Variants in XYLB observed in about 807,000 individuals in gnomAD.
XYLB encodes xylulokinase.
XYLB carries 62 observed loss-of-function variants against 78.7 expected under a neutral mutation model. The observed-to-expected ratio is 0.79, with a 90% CI of 0.64 to 0.97. The LOEUF is 0.97. XYLB is among the 50% of genes least tolerant of loss of function. The pLI is 0.00. For synonymous variants in XYLB, 245 were observed against 247.4 expected, an observed-to-expected ratio of 0.99 and a Z score of 0.09; for missense variants, 687 against 676.8, an observed-to-expected ratio of 1.02 and a Z score of -0.17.
chr3:38,448,234 A>G, the XYLB span, among the ~76,000 whole-genome samples: 2 of 143,706 alleles, frequency 1.4e-5, no homozygotes, highest in East Asian at 4.7e-4. Context: ...GGGAGGGGTG[A>G]GTAGGGAGCT....
At chr3:38,355,659 G>A in intron 2 of XYLB, 2 of 695,928 alleles carry the variant, frequency 2.9e-6, no homozygotes, top group Non-Finnish European at 5.2e-6. Flanking sequence ...ATAAGAAAAT[G>A]TGATCAGGCC....
At chr3:38,421,620 ATAT>A (rs148149995), downstream of XYLB, among the ~76,000 whole-genome samples, 3,604 of 152,266 alleles carry the variant, frequency 0.024, 141 homozygotes, top group East Asian at 0.16. Context: ...GGTGTTGGGG[ATAT>A]TCCTATAACT....
At chr3:38,370,660 AGGGGAAT>A (rs1706506822) in intron 9 of XYLB, among the ~76,000 whole-genome samples, 1 of 152,178 alleles carries the variant, frequency 6.6e-6, no homozygotes, top group Admixed American at 6.5e-5. Context: ...ATCTGGAACA[AGGGGAAT>A]GATGCTATTC....
chr3:38,410,017 G>A (rs1278999180), intron 18 of XYLB, among the ~76,000 whole-genome samples: 1 of 152,138 alleles, frequency 6.6e-6, no homozygotes, highest in Non-Finnish European at 1.5e-5. Flanking sequence ...TTTCTTCACA[G>A]AATTGGAAAA....
chr3:38,352,200 T>C (rs537823920), intron 2 of XYLB, among the ~76,000 whole-genome samples: 36 of 152,334 alleles, frequency 2.4e-4, no homozygotes, highest in Non-Finnish European at 4.1e-4. Flanking sequence ...AGTCTTTTTT[T>C]TTCTTTTTTT....
chr3:38,372,447 T>A, intron 9 of XYLB: 1 of 985,428 alleles, frequency 1.0e-6, no homozygotes. Flanking sequence ...TTTCCAAACC[T>A]GCACTGGACT....
chr3:38,377,936 T>A (rs1419256966), intron 14 of XYLB, among the ~76,000 whole-genome samples: 2 of 152,144 alleles, frequency 1.3e-5, no homozygotes, highest in Non-Finnish European at 2.9e-5. Context: ...TCGGGAAGGA[T>A]TTAGTTGGTT....
At chr3:38,393,161 T>G (rs1707739343) in intron 15 of XYLB, among the ~76,000 whole-genome samples, 1 of 152,036 alleles carries the variant, frequency 6.6e-6, no homozygotes, top group African/African-American at 2.4e-5. Flanking sequence ...TTTTTTTTCC[T>G]TTTTTTGGAG....
chr3:38,426,402 T>C, the XYLB span, among the ~76,000 whole-genome samples: 4 of 152,156 alleles, frequency 2.6e-5, no homozygotes, highest in Non-Finnish European at 5.9e-5. Flanking sequence ...TTAAGAAACA[T>C]TTGAAAGGTC....
At chr3:38,360,439 T>C (rs762479463) in intron 3 of XYLB, 31 bp downstream of exon 3, 1 of 1,534,044 alleles carries the variant, frequency 6.5e-7, no homozygotes, top group African/African-American at 1.4e-5. Context: ...TCTCCTTCTA[T>C]CCCCAGGCTG....
the XYLB span, among the ~76,000 whole-genome samples, chr3:38,438,284 C>A: frequency 3.3e-5 from 5 of 151,788 alleles, no homozygotes; most frequent in African/African-American, 1.2e-4. Flanking sequence ...AAATAAAATA[C>A]CCAGGAACAC....
At chr3:38,408,741 G>T in intron 18 of XYLB, among the ~76,000 whole-genome samples, 1 of 151,736 alleles carries the variant, frequency 6.6e-6, no homozygotes, top group East Asian at 1.9e-4. Context: ...ACTACCATCA[G>T]AGAATACTGC....
At chr3:38,355,001 GACC>G (rs535687491) in intron 2 of XYLB, among the ~76,000 whole-genome samples, 2 of 152,286 alleles carry the variant, frequency 1.3e-5, no homozygotes, top group African/African-American at 4.8e-5. Flanking sequence ...TTGCACAAAT[GACC>G]ACAATACTCC....
At chr3:38,354,836 CTT>C (rs963020356) in intron 2 of XYLB, among the ~76,000 whole-genome samples, 3 of 152,162 alleles carry the variant, frequency 2.0e-5, no homozygotes, top group Non-Finnish European at 2.9e-5. Context: ...ATCATATTAT[CTT>C]TATAAATTAA....
intron 18 of XYLB, among the ~76,000 whole-genome samples, chr3:38,406,747 A>C (rs1489872265): frequency 3.3e-5 from 5 of 152,234 alleles, no homozygotes; most frequent in Non-Finnish European, 7.3e-5. Flanking sequence ...CAGAAGCCTC[A>C]GGAGCCGATG....
chr3:38,391,467 C>T (rs1437858466), intron 15 of XYLB, among the ~76,000 whole-genome samples: 14 of 152,122 alleles, frequency 9.2e-5, no homozygotes, highest in Admixed American at 5.2e-4. Flanking sequence ...ATACTACATG[C>T]GGTGTGATTT....
intron 17 of XYLB, among the ~76,000 whole-genome samples, chr3:38,398,481 A>G (rs1329485216): frequency 6.6e-6 from 1 of 151,840 alleles, no homozygotes; most frequent in African/African-American, 2.4e-5. Flanking sequence ...AAACAAAAAA[A>G]AATAATTAAC....
Position 38,365,675 on chromosome 3 carries a change from T to G in XYLB, c.446T>G (p.Leu149Arg), listed in dbSNP as rs1706216457. The stretch of plus-strand genomic sequence containing the variant: ...AGCACCACAGCCCAGTGCCGCCAGC[T>G]GGAGGCTGCTGTGGGTGGTGCTCAG... ...DSSTTAQCRQ[L>R]EAAVGGAQAL... Residue 149 changes from leucine to arginine, a missense_variant, in exon 6 of 19, where the codon CTG (leucine) becomes CGG (arginine). Transcript: ENST00000207870. 2 of 1,613,944 alleles carry G rather than the reference T, an allele frequency of 1.2e-6. No homozygotes were observed. Among genetic ancestry groups the G allele is most frequent in the Non-Finnish European group, 1.7e-6 (2 of 1,179,990 alleles).
chr3:38,441,361 C>A, the XYLB span, among the ~76,000 whole-genome samples: 9 of 152,202 alleles, frequency 5.9e-5, no homozygotes, highest in African/African-American at 2.2e-4. Context: ...CTTTCAAGTA[C>A]TGTTACATCA....
Sources: gnomAD v4.1 joint callset for allele counts (sites outside exome capture counted in the v4.1 genomes callset) on GRCh38, gnomAD v4.1.1 for gene constraint, MANE v1.5 for transcripts, NCBI Gene and HGNC (gene_info 2026-07-23, HGNC 2026-07-21) for gene names.